RABGAP1L: variants seen among roughly 807,000 people sequenced by gnomAD.
RABGAP1L encodes rab GTPase-activating protein 1-like.
A neutral mutation model predicts 137.7 loss-of-function variants in RABGAP1L; 63 were observed. The ratio of observed to expected loss-of-function variants is 0.46; its 90% confidence interval spans 0.37 to 0.56. The LOEUF is 0.56. Among genes scored for constraint, RABGAP1L ranks in the 20% least tolerant of loss-of-function variants. The pLI, the probability that RABGAP1L is intolerant of heterozygous loss-of-function variation, is 0.00. For missense variants in RABGAP1L, 1,095 were observed against 1,244.0 expected (o/e 0.88, Z 1.80); for synonymous variants, 431 against 433.7 (o/e 0.99, Z 0.08).
chr1:174,743,582 A>AT (rs1232640525), intron 17 of RABGAP1L, among the ~76,000 whole-genome samples: 1 of 152,124 alleles, frequency 6.6e-6, no homozygotes, highest in East Asian at 1.9e-4. Flanking sequence ...CAAACCCCCT[A>AT]TGTCACAAGT....
At chr1:174,475,314 C>A (rs1408262318) in intron 13 of RABGAP1L, among the ~76,000 whole-genome samples, 1 of 151,880 alleles carries the variant, frequency 6.6e-6, no homozygotes, top group Non-Finnish European at 1.5e-5. Flanking sequence ...GCTTTTTTTT[C>A]TTTTAACATA....
At chr1:174,849,869 G>A (rs1424236607) in intron 19 of RABGAP1L, 1 of 566,974 alleles carries the variant, frequency 1.8e-6, no homozygotes, top group Non-Finnish European at 3.5e-6. Flanking sequence ...TCATATTAAA[G>A]TGATGGCCAA....
At chr1:174,360,174 T>C (rs1401203133) in intron 11 of RABGAP1L, among the ~76,000 whole-genome samples, 1 of 152,238 alleles carries the variant, frequency 6.6e-6, no homozygotes, top group Non-Finnish European at 1.5e-5. Context: ...AGTGAGATTT[T>C]ATGGCACATC....
chr1:174,715,298 TTATC>T (rs1291485532), intron 17 of RABGAP1L, among the ~76,000 whole-genome samples: 3 of 152,198 alleles, frequency 2.0e-5, no homozygotes, highest in East Asian at 3.8e-4. Context: ...AATTTATAAA[TTATC>T]TATATTGTAC....
At chr1:174,478,039 T>G (rs1305449574) in intron 13 of RABGAP1L, among the ~76,000 whole-genome samples, 1 of 152,176 alleles carries the variant, frequency 6.6e-6, no homozygotes, top group African/African-American at 2.4e-5. Flanking sequence ...AAAATAAGTT[T>G]GTACTATGTA....
chr1:174,384,508 C>CA (rs900093941), intron 12 of RABGAP1L, among the ~76,000 whole-genome samples: 30 of 110,400 alleles, frequency 2.7e-4, no homozygotes, highest in Admixed American at 2.0e-3. Flanking sequence ...GTCACTAAAC[C>CA]AAAAAAAAGG....
intron 22 of RABGAP1L, 124 bp from the exon 23 acceptor site, chr1:174,978,683 A>G (rs1670847376): frequency 8.8e-7 from 1 of 1,132,738 alleles, no homozygotes; most frequent in South Asian, 2.8e-5. Context: ...CCATGAAGAT[A>G]ATTTATATAG....
intron 19 of RABGAP1L, among the ~76,000 whole-genome samples, chr1:174,879,091 C>T (rs987895987): frequency 8.7e-5 from 13 of 149,020 alleles, no homozygotes; most frequent in African/African-American, 3.0e-4. Context: ...CCTGCCAACA[C>T]GCCTGGCTGT....
At chr1:174,531,564 A>G (rs77440669) in intron 13 of RABGAP1L, among the ~76,000 whole-genome samples, 3,402 of 152,262 alleles carry the variant, frequency 0.022, 58 homozygotes, top group Middle Eastern at 0.088. Context: ...TTCAATAAAA[A>G]TGACTGTGTG....
chr1:174,588,571 C>G lies in RABGAP1L; in HGVS notation c.1711-48804C>G, dbSNP rs369484603. Among the ~76,000 whole-genome samples, 132 of 152,216 alleles carry G rather than the reference C, an allele frequency of 8.7e-4. 3 individuals carry two copies. The South Asian group carries it at 0.013, about 16-fold the overall frequency. On this transcript the variant is annotated intron_variant, in intron 13 of 25. Coordinates refer to ENST00000681986, the MANE Select transcript of RABGAP1L (RefSeq NM_001366446.1). ...CATTCTATCTAACTATATTTTTGTA[C>G]CCATTAAACATCTCCACTTTGCCCC... is the stretch of plus-strand genomic sequence containing the variant.
chr1:174,370,512 CTTTTT>C (rs372406044), intron 11 of RABGAP1L, among the ~76,000 whole-genome samples: 1 of 50,362 alleles, frequency 2.0e-5, no homozygotes, highest in Non-Finnish European at 3.5e-5. Context: ...AGAAACCTAA[CTTTTT>C]TTTTTTTTTT....
intron 19 of RABGAP1L, 131 bp from the exon 20 acceptor site, chr1:174,957,326 C>G (rs769417276): frequency 1.5e-6 from 1 of 682,200 alleles, no homozygotes; most frequent in Non-Finnish European, 2.6e-6. Flanking sequence ...ACTCTGGAAT[C>G]TCTATTTTTC....
Position 174,221,041 on chromosome 1 carries a change from C to T in RABGAP1L, c.208C>T (p.Pro70Ser). The T allele has an allele frequency of 1.2e-6, 2 of 1,613,784 alleles. No homozygotes were observed. Among genetic ancestry groups the T allele is most frequent in the East Asian group, 4.5e-5 (2 of 44,834 alleles). ...GATTTTGAGAGATTCCGAGAAAAGG[C>T]CAAGCAGTCTTCTTGTTGATTGTCA... Reference protein sequence around the residue: ...EEILRDSEKRPSSLLVDCQSS... With the variant: ...EEILRDSEKRSSSLLVDCQSS... The change falls in exon 3 of 26, where the codon CCA (proline) becomes TCA (serine). Residue 70 changes from proline (P) to serine (S), a missense_variant. This residue lies in a region of RABGAP1L where 356 missense variants were observed against 326.3 expected (regional missense o/e 1.09). Coordinates refer to ENST00000681986, the MANE Select transcript of RABGAP1L (RefSeq NM_001366446.1).
chr1:174,272,513 TA>T, intron 8 of RABGAP1L, 33 bp downstream of exon 8: 1 of 1,457,566 alleles, frequency 6.9e-7, no homozygotes, highest in Non-Finnish European at 9.0e-7. Context: ...TAACCAAGTA[TA>T]GATGATAGTT....
rs996146148 is a variant in RABGAP1L at position 174,631,411 on chromosome 1, G to C, written c.1711-5964G>C. On this transcript the variant is annotated intron_variant, in intron 13 of 25. Transcript: ENST00000681986. ...AGTTCTGTAGATGTCTATTAGGTCT[G>C]CTTGGTGCAGAGCTGAGTTCAATTC... is the stretch of plus-strand genomic sequence containing the variant. 4.9e-4 allele frequency among the ~76,000 whole-genome samples: 54 copies of C among 109,894 alleles called. 3 individuals carry two copies. Among genetic ancestry groups the C allele is most frequent in the African/African-American group, 2.3e-3 (40 of 17,308 alleles). The allele number at this position is 109,894 out of a possible 152,430, so 72.1% of individuals were successfully genotyped here.
In RABGAP1L at chr1:174,448,866, C is replaced by T. The variant is rs1457978512; in HGVS notation, c.1710+54721C>T. On this transcript the variant is annotated intron_variant, in intron 13 of 25. Coordinates refer to ENST00000681986, the MANE Select transcript of RABGAP1L (RefSeq NM_001366446.1). The surrounding 1 kb of genome is among the most constrained non-coding windows in gnomAD (Gnocchi z 4.2). ...TTCCCTAGTCATGAGGTAGATTCTT[C>T]CAGAGAGACTGGACACAGCCCTGAC... 1 of 1,613,906 alleles carries T rather than the reference C, an allele frequency of 6.2e-7. No individual in the cohort carries two copies.
intron 13 of RABGAP1L, among the ~76,000 whole-genome samples, chr1:174,604,117 T>C (rs1195227932): frequency 2.6e-5 from 4 of 152,058 alleles, no homozygotes; most frequent in African/African-American, 9.7e-5. Context: ...GCACCAAGAC[T>C]TGACCAGGAA....
chr1:174,561,764 G>C (rs7542775), intron 13 of RABGAP1L, among the ~76,000 whole-genome samples: 59,339 of 151,988 alleles, frequency 0.39, 14,599 homozygotes, highest in African/African-American at 0.7. Flanking sequence ...GAAAGATTCC[G>C]TATTTAATAA....
intron 13 of RABGAP1L, among the ~76,000 whole-genome samples, chr1:174,512,015 A>G (rs1662392394): frequency 6.6e-6 from 1 of 152,202 alleles, no homozygotes; most frequent in African/African-American, 2.4e-5. Context: ...TGCTTGATAA[A>G]GTATAATTGT....
Sources: gnomAD v4.1 joint callset for allele counts (sites outside exome capture counted in the v4.1 genomes callset) on GRCh38, gnomAD v4.1.1 for gene constraint, gnomAD v4.1.1 regional missense constraint, Gnocchi (gnomAD v3.1) non-coding constraint, MANE v1.5 for transcripts, NCBI Gene and HGNC (gene_info 2026-07-23, HGNC 2026-07-21) for gene names.